Variants in SPEF2 observed in about 807,000 individuals in gnomAD.
SPEF2 encodes the protein sperm flagellar and cilia associated 2.
A neutral mutation model predicts 224.6 loss-of-function variants in SPEF2; 187 were observed. The observed-to-expected ratio is 0.83, with a 90% CI of 0.74 to 0.94. SPEF2 has a LOEUF of 0.94. SPEF2 is among the 40% of genes least tolerant of loss of function. SPEF2 has a pLI of 0.00. For missense variants in SPEF2, 2,170 were observed against 2,135.6 expected, an observed-to-expected ratio of 1.02 and a Z score of -0.32; for synonymous variants, 715 against 707.3, an observed-to-expected ratio of 1.01 and a Z score of -0.17.
chr5:35,648,546 G>A (rs781291835), intron 5 of SPEF2, among the ~76,000 whole-genome samples: 4 of 151,964 alleles, frequency 2.6e-5, no homozygotes, highest in East Asian at 1.9e-4. Flanking sequence ...GGCTGCTCTC[G>A]AACTCCTGGG....
At chr5:35,792,002 A>G (rs972245259) in intron 30 of SPEF2, among the ~76,000 whole-genome samples, 1 of 152,092 alleles carries the variant, frequency 6.6e-6, no homozygotes, top group Non-Finnish European at 1.5e-5. Flanking sequence ...GGAAACCTTA[A>G]AATCATATAT....
intron 34 of SPEF2, among the ~76,000 whole-genome samples, chr5:35,800,713 G>A (rs575149222): frequency 1.3e-5 from 2 of 152,304 alleles, no homozygotes; most frequent in East Asian, 3.9e-4. Context: ...GTCTCCAACA[G>A]GGTGCTAGGT....
At position 35,804,208 on chromosome 5, in the gene SPEF2, C is replaced by T. The variant is rs138738023; in HGVS notation, c.5011-2499C>T. The stretch of plus-strand genomic sequence containing the variant: ...CTGCCATCTGAGATGTGGGACTGAG[C>T]TGATTGAATGATAGAAATGCATGGT... On this transcript the variant is annotated intron_variant, in intron 34 of 36. Transcript: ENST00000356031. 6.8e-3 allele frequency among the ~76,000 whole-genome samples: 1,043 copies of T among 152,266 alleles called. 15 individuals carry two copies. Among genetic ancestry groups the T allele is most frequent in the African/African-American group, 0.024 (995 of 41,538 alleles).
chr5:35,690,471 A>G (rs1389378917), intron 10 of SPEF2, among the ~76,000 whole-genome samples: 1 of 152,102 alleles, frequency 6.6e-6, no homozygotes, highest in Non-Finnish European at 1.5e-5. Flanking sequence ...TTCCTTTTAA[A>G]TACTTATTTT....
rs1270708629 is a variant in SPEF2 at position 35,666,864 on chromosome 5, A to G, written c.1168-208A>G. ...TCTGACTGTATTATGCTTTGTTGAT[A>G]AGATAAGCTAAGAGTAGGATATTTC... On this transcript the variant is annotated intron_variant, in intron 8 of 36. Coordinates refer to ENST00000356031, the MANE Select transcript of SPEF2 (RefSeq NM_024867.4). Among the ~76,000 whole-genome samples, 7 of 152,332 alleles carry G rather than the reference A, an allele frequency of 4.6e-5. No individual in the cohort carries two copies. In the East Asian group the frequency reaches 1.3e-3, roughly 29 times the overall value.
chr5:35,789,462 T>C (rs1207421193), intron 30 of SPEF2: 4 of 668,632 alleles, frequency 6.0e-6, no homozygotes, highest in Non-Finnish European at 1.1e-5. Flanking sequence ...ATTTAATTTG[T>C]TAGTTGTTAT....
chr5:35,776,187 G>A, intron 28 of SPEF2, 70 bp from the exon 29 acceptor site: 1 of 1,470,910 alleles, frequency 6.8e-7, no homozygotes, highest in Non-Finnish European at 9.1e-7. Context: ...TGGTTTCAAA[G>A]TGAATCTGTT....
At chr5:35,695,152 T>C (rs1475095434) in intron 13 of SPEF2, among the ~76,000 whole-genome samples, 2 of 152,196 alleles carry the variant, frequency 1.3e-5, no homozygotes, top group Non-Finnish European at 1.5e-5. Context: ...ATTCCTGTTA[T>C]CTGTTTCTTA....
At chr5:35,801,433 A>G (rs1757408605) in intron 34 of SPEF2, among the ~76,000 whole-genome samples, 1 of 152,080 alleles carries the variant, frequency 6.6e-6, no homozygotes, top group Non-Finnish European at 1.5e-5. Flanking sequence ...GAATTACTTG[A>G]ACCTGGGAGG....
At chr5:35,689,118 G>A (rs886569183) in intron 10 of SPEF2, among the ~76,000 whole-genome samples, 49 of 152,186 alleles carry the variant, frequency 3.2e-4, no homozygotes, top group Middle Eastern at 3.4e-3. Flanking sequence ...AAATTTTTCT[G>A]TAAACCATTA....
chr5:35,733,899 C>A (rs993982771), intron 21 of SPEF2, among the ~76,000 whole-genome samples: 1 of 152,170 alleles, frequency 6.6e-6, no homozygotes, highest in African/African-American at 2.4e-5. Flanking sequence ...TCAATTGCCT[C>A]ATCTTTAAAT....
chr5:35,680,522 T>C (rs1420875392), intron 10 of SPEF2, among the ~76,000 whole-genome samples: 1 of 152,170 alleles, frequency 6.6e-6, no homozygotes, highest in Non-Finnish European at 1.5e-5. Flanking sequence ...ACTGATTCAA[T>C]AAATAGATAT....
Position 35,695,810 on chromosome 5 carries a change from T to C in SPEF2, c.2037+14T>C. ...AGTTTCTTAAAAGTAAGTATTATGA[T>C]CTAATTTTAGCTACTAACATATTAA... On this transcript the variant is annotated intron_variant, in intron 14 of 36. Transcript: ENST00000356031. The C allele has an allele frequency of 6.3e-7, 1 of 1,584,154 alleles. No homozygotes were observed. The highest frequency in any genetic ancestry group is 1.1e-5 in the South Asian group (1 of 87,660).
intron 10 of SPEF2, among the ~76,000 whole-genome samples, chr5:35,689,345 C>G (rs73082280): frequency 2.0e-5 from 3 of 152,094 alleles, no homozygotes; most frequent in Non-Finnish European, 4.4e-5. Context: ...TTATACCATG[C>G]AATATACTTC....
intron 23 of SPEF2, among the ~76,000 whole-genome samples, chr5:35,746,833 T>C (rs1748620457): frequency 6.6e-6 from 1 of 152,026 alleles, no homozygotes; most frequent in African/African-American, 2.4e-5. Flanking sequence ...ACCTGGGAAA[T>C]TTATCACAAA....
At chr5:35,802,228 C>T (rs564905534) in intron 34 of SPEF2, among the ~76,000 whole-genome samples, 1 of 152,116 alleles carries the variant, frequency 6.6e-6, no homozygotes, top group African/African-American at 2.4e-5. Flanking sequence ...TCCGAGGCCT[C>T]CCCATTATCC....
intron 30 of SPEF2, among the ~76,000 whole-genome samples, chr5:35,784,424 G>A (rs1754810715): frequency 6.6e-6 from 1 of 151,638 alleles, no homozygotes; most frequent in African/African-American, 2.4e-5. Flanking sequence ...CACCGCGCCC[G>A]GGCGAGATGG....
At position 35,733,872 on chromosome 5, in the gene SPEF2, G is replaced by T. The variant is rs533162615; in HGVS notation, c.3064-6047G>T. ...GCAGCTACATGACCTTGTACAAGCTGTTTAACCTCTGTTGCTTCAATTGCC... is the reference window on the plus strand; with the variant it reads ...GCAGCTACATGACCTTGTACAAGCTTTTTAACCTCTGTTGCTTCAATTGCC... On this transcript the variant is annotated intron_variant, in intron 21 of 36. Coordinates refer to ENST00000356031, the MANE Select transcript of SPEF2 (RefSeq NM_024867.4). 6.6e-5 allele frequency among the ~76,000 whole-genome samples: 10 copies of T among 152,116 alleles called. No individual in the cohort carries two copies. The South Asian group carries it at 2.1e-3, about 32-fold the overall frequency.
At chr5:35,621,888 G>A (rs1374007856) in intron 1 of SPEF2, among the ~76,000 whole-genome samples, 1 of 152,160 alleles carries the variant, frequency 6.6e-6, no homozygotes, top group African/African-American at 2.4e-5. Context: ...TTAGATTAGA[G>A]TCAGAATTCC....
Sources: gnomAD v4.1 joint callset for allele counts (sites outside exome capture counted in the v4.1 genomes callset) on GRCh38, gnomAD v4.1.1 for gene constraint, MANE v1.5 for transcripts, NCBI Gene and HGNC (gene_info 2026-07-23, HGNC 2026-07-21) for gene names.